The following MCTP1 variants were observed in gnomAD, a reference collection of about 807,000 sequenced individuals.
The protein encoded by MCTP1 is multiple C2 and transmembrane domain-containing protein 1.
MCTP1 carries 69 observed loss-of-function variants against 120.6 expected under a neutral mutation model. That is an observed-to-expected ratio of 0.57 (90% CI 0.47 to 0.70). MCTP1 has a LOEUF of 0.70. Ranked by LOEUF, MCTP1 falls within the 30% of genes least tolerant of loss-of-function variation. The pLI is 0.00. For missense variants in MCTP1, 1,203 were observed against 1,248.8 expected (o/e 0.96, Z 0.55); for synonymous variants, 529 against 493.1 (o/e 1.07, Z -0.96).
Position 94,757,555 on chromosome 5 carries a change from A to G in MCTP1, c.2610+21555T>C, listed in dbSNP as rs779517796. The stretch of plus-strand genomic sequence containing the variant: ...GACAGGTTTAGAGCGAAATATATAG[A>G]ATCTGAGGTTATGATGGGACAATTT... On this transcript the variant is annotated intron_variant, in intron 19 of 22. Transcript: ENST00000515393. 2.2e-4 allele frequency among the ~76,000 whole-genome samples: 34 copies of G among 152,316 alleles called. No individual in the cohort carries two copies. The Middle Eastern group carries it at 0.014, about 61-fold the overall frequency.
intron 2 of MCTP1, among the ~76,000 whole-genome samples, chr5:94,964,780 T>G (rs757713852): frequency 6.6e-6 from 1 of 152,228 alleles, no homozygotes; most frequent in Non-Finnish European, 1.5e-5. Flanking sequence ...TGAGTCTTTC[T>G]CTTTTAATCC....
chr5:94,894,884 C>A, intron 10 of MCTP1, 49 bp from the exon 11 acceptor site: 3 of 664,596 alleles, frequency 4.5e-6, no homozygotes, highest in South Asian at 2.0e-5. Flanking sequence ...TTTTTTTTTG[C>A]CATATCAAAC....
intron 1 of MCTP1, among the ~76,000 whole-genome samples, chr5:95,219,255 A>G (rs1467487679): frequency 6.6e-6 from 1 of 151,704 alleles, no homozygotes; most frequent in Non-Finnish European, 1.5e-5. Context: ...GGTGGTGGGC[A>G]CCTGTAGTCC....
At chr5:95,151,681 A>T (rs1473142048) in intron 1 of MCTP1, among the ~76,000 whole-genome samples, 2 of 152,036 alleles carry the variant, frequency 1.3e-5, no homozygotes, top group Admixed American at 1.3e-4. Flanking sequence ...CAATTTTTCC[A>T]CTTATCTGAT....
At position 94,892,150 on chromosome 5, in the gene MCTP1, T is replaced by C. The variant is rs1047927145; in HGVS notation, c.1839+2499A>G. 5.3e-5 allele frequency among the ~76,000 whole-genome samples: 8 copies of C among 152,330 alleles called. No homozygotes were observed. The South Asian group carries it at 1.7e-3, about 32-fold the overall frequency. ...GGGGCCAGAGCTGATTGACAGCTTG[T>C]CACCGTGACGTCTTATTCCATCTCT... On this transcript the variant is annotated intron_variant, in intron 11 of 22. Coordinates refer to ENST00000515393, the MANE Select transcript of MCTP1 (RefSeq NM_024717.7).
At chr5:94,737,472 C>G (rs1764539829) in intron 19 of MCTP1, among the ~76,000 whole-genome samples, 1 of 152,058 alleles carries the variant, frequency 6.6e-6, no homozygotes, top group Admixed American at 6.6e-5. Flanking sequence ...TGTTTGAATA[C>G]TAAATAGGGA....
chr5:95,132,488 A>G lies in MCTP1; in HGVS notation c.721-115004T>C, dbSNP rs562293337. ...ACCTGGAAAATGCATAAAACAACAG[A>G]GAAGTATTCCGATAGAATTCCTATG... On this transcript the variant is annotated intron_variant, in intron 1 of 22. Coordinates refer to ENST00000515393, the MANE Select transcript of MCTP1 (RefSeq NM_024717.7). Among the ~76,000 whole-genome samples the G allele has an allele frequency of 3.9e-5, 6 of 152,382 alleles. No individual in the cohort carries two copies. In the East Asian group the frequency reaches 1.2e-3, roughly 29 times the overall value.
chr5:94,881,327 C>G (rs1442543066), intron 12 of MCTP1, among the ~76,000 whole-genome samples: 1 of 152,054 alleles, frequency 6.6e-6, no homozygotes, highest in African/African-American at 2.4e-5. Flanking sequence ...TTCTTAGGCC[C>G]TTCCTGCCCC....
intron 1 of MCTP1, among the ~76,000 whole-genome samples, chr5:95,092,161 G>GT (rs943910470): frequency 1.3e-4 from 20 of 152,056 alleles, no homozygotes; most frequent in African/African-American, 2.2e-4. Context: ...TGGTTTTATG[G>GT]TTTTTTTTGT....
chr5:94,877,459 T>C (rs1799145702), intron 12 of MCTP1: 1 of 152,134 alleles, frequency 6.6e-6, no homozygotes, highest in Admixed American at 6.6e-5. Context: ...CCCTAACTCA[T>C]AAAACAGAAT....
At chr5:94,908,811 C>G (rs142945755) in intron 10 of MCTP1, among the ~76,000 whole-genome samples, 158 of 152,114 alleles carry the variant, frequency 1.0e-3, no homozygotes, top group South Asian at 4.1e-3. Context: ...GAACTCTTTA[C>G]AGATTTATGA....
At chr5:94,958,378 C>T (rs2069334364) in intron 2 of MCTP1, among the ~76,000 whole-genome samples, 1 of 151,884 alleles carries the variant, frequency 6.6e-6, no homozygotes, top group South Asian at 2.1e-4. Flanking sequence ...CAAGAGCAAA[C>T]AAATTCAAAA....
chr5:94,838,914 A>G (rs1018664394), intron 17 of MCTP1, among the ~76,000 whole-genome samples: 4 of 152,192 alleles, frequency 2.6e-5, no homozygotes, highest in Admixed American at 2.6e-4. Flanking sequence ...AGGGATCCTC[A>G]GAGGTCTTGG....
chr5:95,025,810 T>A (rs1839153481), intron 1 of MCTP1, among the ~76,000 whole-genome samples: 1 of 152,138 alleles, frequency 6.6e-6, no homozygotes, highest in Non-Finnish European at 1.5e-5. Flanking sequence ...CAACAGCCCC[T>A]CAAGTAATTT....
At chr5:95,217,018 T>A (rs1185161369) in intron 1 of MCTP1, among the ~76,000 whole-genome samples, 1 of 152,186 alleles carries the variant, frequency 6.6e-6, no homozygotes, top group African/African-American at 2.4e-5. Flanking sequence ...GATGCGTATA[T>A]ACAGCCCTAG....
intron 1 of MCTP1, among the ~76,000 whole-genome samples, chr5:95,261,246 C>T (rs1212615601): frequency 6.6e-6 from 1 of 152,162 alleles, no homozygotes; most frequent in Non-Finnish European, 1.5e-5. Context: ...ATAATAAACA[C>T]CAAATGGTCT....
chr5:95,012,597 T>C (rs1279366156), intron 2 of MCTP1, among the ~76,000 whole-genome samples: 2 of 152,166 alleles, frequency 1.3e-5, no homozygotes, highest in East Asian at 1.9e-4. Flanking sequence ...TTCTGCAACA[T>C]TTCAAGCTTC....
intron 17 of MCTP1, among the ~76,000 whole-genome samples, chr5:94,818,197 C>G (rs1451615077): frequency 6.6e-6 from 1 of 152,216 alleles, no homozygotes; most frequent in Non-Finnish European, 1.5e-5. Context: ...TGGCAAGAAA[C>G]TAAGGTCTGA....
At chr5:95,120,032 C>G (rs1758096105) in intron 1 of MCTP1, among the ~76,000 whole-genome samples, 1 of 151,800 alleles carries the variant, frequency 6.6e-6, no homozygotes, top group South Asian at 2.1e-4. Flanking sequence ...AAAAAATTAG[C>G]CGGGCATGGT....
Sources: allele counts gnomAD v4.1 joint callset (sites outside exome capture counted in the v4.1 genomes callset), GRCh38; gene constraint gnomAD v4.1.1; transcripts MANE v1.5; gene names NCBI Gene and HGNC (gene_info 2026-07-23, HGNC 2026-07-21).